Variants in BNC2 observed in about 807,000 individuals in gnomAD.
BNC2 encodes basonuclin zinc finger protein 2, also known as zinc finger protein basonuclin-2.
BNC2 carries 20 observed loss-of-function variants against 76.3 expected under a neutral mutation model. That is an observed-to-expected ratio of 0.26 (90% CI 0.18 to 0.38). The LOEUF (loss-of-function observed/expected upper bound fraction) is 0.38, where lower values mean the gene tolerates loss of function less well. Ranked by LOEUF, BNC2 falls within the 10% of genes least tolerant of loss-of-function variation. The pLI is 1.00. For missense variants in BNC2, 1,382 were observed against 1,399.8 expected, an observed-to-expected ratio of 0.99 and a Z score of 0.20; for synonymous variants, 582 against 514.8, an observed-to-expected ratio of 1.13 and a Z score of -1.77.
chr9:16,684,678 AAG>A (rs1822923962), intron 3 of BNC2, among the ~76,000 whole-genome samples: 2 of 152,104 alleles, frequency 1.3e-5, no homozygotes, highest in African/African-American at 4.8e-5. Context: ...CTAAAAAAAA[AAG>A]TATGAGTTTC....
At chr9:16,592,165 A>G (rs1819948533) in intron 3 of BNC2, among the ~76,000 whole-genome samples, 2 of 152,160 alleles carry the variant, frequency 1.3e-5, no homozygotes, top group African/African-American at 4.8e-5. Context: ...AAAGAAATAC[A>G]TCATCTTCAC....
At chr9:16,469,992 C>CTTTTTTTTTTTTTTTTTTTTTTTTTTTTT (rs201134930) in intron 5 of BNC2, among the ~76,000 whole-genome samples, 1 of 114,958 alleles carries the variant, frequency 8.7e-6, no homozygotes, top group African/African-American at 3.7e-5. Flanking sequence ...TAATGGCATT[C>CTTTTTTTTTTTTTTTTTTTTTTTTTTTTT]TTTTTTTTTT....
At chr9:16,606,759 C>T (rs1028435889) in intron 3 of BNC2, among the ~76,000 whole-genome samples, 2 of 152,120 alleles carry the variant, frequency 1.3e-5, no homozygotes, top group South Asian at 2.1e-4. Flanking sequence ...GGTTTCGCCA[C>T]GTTGGCCAGG....
intron 1 of BNC2, among the ~76,000 whole-genome samples, chr9:16,740,097 A>T (rs1414513392): frequency 6.6e-6 from 1 of 152,232 alleles, no homozygotes; most frequent in Non-Finnish European, 1.5e-5. Flanking sequence ...CAGCGTTAAC[A>T]GGAGCATCGT....
At chr9:16,553,081 A>T (rs979859885) in intron 4 of BNC2, among the ~76,000 whole-genome samples, 1 of 151,866 alleles carries the variant, frequency 6.6e-6, no homozygotes, top group Non-Finnish European at 1.5e-5. Flanking sequence ...GGTGCTAAAA[A>T]CCTCATTGAT....
intron 1 of BNC2, among the ~76,000 whole-genome samples, chr9:16,842,266 T>G (rs770042537): frequency 3.3e-5 from 5 of 152,210 alleles, no homozygotes; most frequent in African/African-American, 7.2e-5. Flanking sequence ...GATGCTGGCA[T>G]TAGAATTTCC....
intron 3 of BNC2, among the ~76,000 whole-genome samples, chr9:16,711,778 C>T (rs1399537304): frequency 1.3e-5 from 2 of 152,248 alleles, no homozygotes; most frequent in Admixed American, 6.5e-5. Flanking sequence ...ACAATGAATA[C>T]ATGCATGAAA....
chr9:16,531,730 T>A (rs932719413), intron 5 of BNC2, among the ~76,000 whole-genome samples: 1 of 152,158 alleles, frequency 6.6e-6, no homozygotes, highest in African/African-American at 2.4e-5. Context: ...TATGTCAAAT[T>A]TTTCTTCTTA....
intron 1 of BNC2, among the ~76,000 whole-genome samples, chr9:16,850,826 A>G (rs990524042): frequency 1.3e-5 from 2 of 152,188 alleles, no homozygotes; most frequent in Non-Finnish European, 2.9e-5. Context: ...AAAAATCAAA[A>G]ATAGAATTAT....
chr9:16,672,947 G>A (rs999759032), intron 3 of BNC2, among the ~76,000 whole-genome samples: 1 of 152,172 alleles, frequency 6.6e-6, no homozygotes, highest in South Asian at 2.1e-4. Flanking sequence ...AAAGAAAGCA[G>A]GGTAAACAAC....
At chr9:16,811,319 C>T (rs1279153684) in intron 1 of BNC2, among the ~76,000 whole-genome samples, 1 of 149,370 alleles carries the variant, frequency 6.7e-6, no homozygotes, top group East Asian at 2.0e-4. Flanking sequence ...GGGAGGCCAA[C>T]GCGGGTGGAT....
intron 6 of BNC2, among the ~76,000 whole-genome samples, chr9:16,423,289 G>C (rs927695491): frequency 1.3e-5 from 2 of 152,170 alleles, no homozygotes; most frequent in African/African-American, 4.8e-5. Context: ...ATAAGAACAT[G>C]AACAGTAGAA....
intron 1 of BNC2, among the ~76,000 whole-genome samples, chr9:16,865,776 T>A (rs932830071): frequency 3.3e-5 from 5 of 152,188 alleles, no homozygotes; most frequent in Non-Finnish European, 5.9e-5. Flanking sequence ...ATATCTGTAA[T>A]ATCATTCTTA....
intron 1 of BNC2, among the ~76,000 whole-genome samples, chr9:16,782,517 T>C (rs561774559): frequency 6.6e-6 from 1 of 152,150 alleles, no homozygotes; most frequent in Admixed American, 6.5e-5. Flanking sequence ...ACTTCTCTAT[T>C]TTCTCTGGAC....
intron 5 of BNC2, among the ~76,000 whole-genome samples, chr9:16,528,278 C>T (rs1272284247): frequency 6.6e-6 from 1 of 151,950 alleles, no homozygotes; most frequent in African/African-American, 2.4e-5. Flanking sequence ...TTTTTCTTGT[C>T]ATCTCTTTAA....
At chr9:16,867,280 T>C (rs561109289) in intron 1 of BNC2, 2 of 152,202 alleles carry the variant, frequency 1.3e-5, no homozygotes, top group Non-Finnish European at 2.9e-5. Flanking sequence ...AAGATGCTAA[T>C]AGTATAGAAA....
At chr9:16,485,637 T>C (rs1473084044) in intron 5 of BNC2, among the ~76,000 whole-genome samples, 1 of 152,096 alleles carries the variant, frequency 6.6e-6, no homozygotes, top group Non-Finnish European at 1.5e-5. Flanking sequence ...CTGAGCAACA[T>C]AGTGAGACCC....
rs140006561 is a variant in BNC2, at chr9:16,481,163, G to C, written c.670-43639C>G. On this transcript the variant is annotated intron_variant, in intron 5 of 6. Transcript: ENST00000380672. Reference sequence around the variant, plus strand: ...CTCTGTATCTAACTAATCTGATGGGGAGGTGGAGAACCTTTGTGTCTAGCT... The same window carrying C: ...CTCTGTATCTAACTAATCTGATGGGCAGGTGGAGAACCTTTGTGTCTAGCT... 1.4e-4 allele frequency among the ~76,000 whole-genome samples: 22 copies of C among 152,206 alleles called. No individual in the cohort carries two copies. In the East Asian group the frequency reaches 4.3e-3, roughly 29 times the overall value.
At position 16,787,489 on chromosome 9, in the gene BNC2, C is replaced by T. The variant is rs549406812; in HGVS notation, c.4-49004G>A. On this transcript the variant is annotated intron_variant, in intron 1 of 6. Transcript: ENST00000380672. The stretch of plus-strand genomic sequence containing the variant: ...TCTGTCACTGGGCAAGTTACTTGAC[C>T]TCTTTGTGCCTCAATTTCCTCACTT... 1.1e-3 allele frequency among the ~76,000 whole-genome samples: 165 copies of T among 152,294 alleles called. 1 individual carries two copies. Among genetic ancestry groups the T allele is most frequent in the African/African-American group, 3.7e-3 (155 of 41,570 alleles).
Sources: gnomAD v4.1 joint callset for allele counts (sites outside exome capture counted in the v4.1 genomes callset) on GRCh38, gnomAD v4.1.1 for gene constraint, MANE v1.5 for transcripts, NCBI Gene and HGNC (gene_info 2026-07-23, HGNC 2026-07-21) for gene names.